The following VPS8 variants were observed in gnomAD, a reference collection of about 807,000 sequenced individuals.
The protein encoded by VPS8 is vacuolar protein sorting-associated protein 8 homolog.
In VPS8, 129 loss-of-function variants were observed where a neutral mutation model predicts 216.4. The ratio of observed to expected loss-of-function variants is 0.60; its 90% CI spans 0.52 to 0.69. VPS8 has a LOEUF of 0.69. Ranked by LOEUF, VPS8 falls within the 30% of genes least tolerant of loss-of-function variation. VPS8 has a pLI of 0.00. For synonymous variants in VPS8, 571 were observed against 565.4 expected (o/e 1.01, Z -0.14); for missense variants, 1,531 against 1,683.5 (o/e 0.91, Z 1.59).
chr3:185,039,115 T>C (rs1389038011), intron 46 of VPS8, among the ~76,000 whole-genome samples: 3 of 152,214 alleles, frequency 2.0e-5, no homozygotes, highest in Non-Finnish European at 4.4e-5. Context: ...TGTGGAGTTC[T>C]ACCTTACTGA....
At chr3:184,922,382 G>C (rs1738793538) in intron 29 of VPS8, 1 of 451,622 alleles carries the variant, frequency 2.2e-6, no homozygotes, top group Non-Finnish European at 4.4e-6. Flanking sequence ...AGACTGTGAG[G>C]ATTATTCTAA....
At position 184,983,230 on chromosome 3, in the gene VPS8, T is replaced by G. The variant is rs1056447892; in HGVS notation, c.3585+136T>G. The G allele has an allele frequency of 2.0e-5, 13 of 663,280 alleles. No homozygotes were observed. The African/African-American group carries it at 2.4e-4, about 12-fold the overall frequency. 41.1% of individuals were successfully genotyped at this position (663,280 alleles called of 1,614,324 possible). The stretch of plus-strand genomic sequence containing the variant: ...TAATTTTTGGCAATAGCTAAATATC[T>G]AAATATCTAACTTCCGACCCTCATT... On this transcript the variant is annotated intron_variant, in intron 42 of 47. Transcript: ENST00000625842.
chr3:184,954,570 C>T (rs1412138957), intron 36 of VPS8, among the ~76,000 whole-genome samples: 1 of 152,166 alleles, frequency 6.6e-6, no homozygotes, highest in Non-Finnish European at 1.5e-5. Context: ...CTTATTATAT[C>T]ACAATATTAT....
At chr3:184,912,311 G>A (rs149293462) in intron 25 of VPS8, among the ~76,000 whole-genome samples, 1 of 152,094 alleles carries the variant, frequency 6.6e-6, no homozygotes, top group African/African-American at 2.4e-5. Context: ...CATTTGTCTT[G>A]GGATGGGCTG....
At chr3:184,887,369 A>C (rs1454452894) in intron 22 of VPS8, among the ~76,000 whole-genome samples, 2 of 152,114 alleles carry the variant, frequency 1.3e-5, no homozygotes, top group African/African-American at 4.8e-5. Flanking sequence ...AATAAAAAAT[A>C]AACCAACCAA....
chr3:184,966,536 A>T, intron 38 of VPS8, 135 bp from the exon 39 acceptor site: 1 of 471,364 alleles, frequency 2.1e-6, no homozygotes, highest in Non-Finnish European at 3.7e-6. Flanking sequence ...TTTACTTCTG[A>T]CTGACACTAA....
intron 16 of VPS8, among the ~76,000 whole-genome samples, chr3:184,864,340 A>G (rs544387881): frequency 6.6e-6 from 1 of 152,322 alleles, no homozygotes; most frequent in East Asian, 1.9e-4. Flanking sequence ...GGAAGACTCC[A>G]TGATTTGAGA....
intron 44 of VPS8, 122 bp from the exon 45 acceptor site, chr3:184,999,574 G>A: frequency 1.7e-6 from 2 of 1,199,506 alleles, no homozygotes; most frequent in Non-Finnish European, 2.3e-6. Flanking sequence ...TTCTTACCCT[G>A]TACAGCCATC....
intron 45 of VPS8, among the ~76,000 whole-genome samples, chr3:185,016,133 G>A (rs1755756274): frequency 6.6e-6 from 1 of 152,190 alleles, no homozygotes; most frequent in Non-Finnish European, 1.5e-5. Flanking sequence ...AATGCCTAGA[G>A]CAGGTCATAT....
intron 21 of VPS8, among the ~76,000 whole-genome samples, chr3:184,877,957 G>C (rs1166018001): frequency 6.6e-6 from 1 of 152,158 alleles, no homozygotes; most frequent in African/African-American, 2.4e-5. Context: ...TCAGTTAACT[G>C]TGGAAACAGT....
intron 29 of VPS8, chr3:184,922,457 C>T (rs554765494): frequency 6.8e-5 from 31 of 453,502 alleles, no homozygotes; most frequent in South Asian, 4.5e-4. Context: ...AGCACAATGC[C>T]TGTAACCCAG....
chr3:185,044,730 C>T (rs1461411362), intron 46 of VPS8, among the ~76,000 whole-genome samples: 1 of 152,142 alleles, frequency 6.6e-6, no homozygotes, highest in Non-Finnish European at 1.5e-5. Flanking sequence ...CAGAGACTTT[C>T]TGCCACATTT....
chr3:184,998,255 G>A (rs1752888985), intron 44 of VPS8, among the ~76,000 whole-genome samples: 1 of 152,080 alleles, frequency 6.6e-6, no homozygotes, highest in Admixed American at 6.5e-5. Context: ...TACTCTGACT[G>A]CTGTGTTAAG....
At chr3:185,022,145 A>C (rs1260212632) in intron 45 of VPS8, among the ~76,000 whole-genome samples, 2 of 152,124 alleles carry the variant, frequency 1.3e-5, no homozygotes, top group Non-Finnish European at 2.9e-5. Context: ...TGGTTTTATA[A>C]GGGGCTTTTC....
chr3:184,882,183 A>G (rs947336948), intron 21 of VPS8, among the ~76,000 whole-genome samples: 7 of 152,112 alleles, frequency 4.6e-5, no homozygotes, highest in Non-Finnish European at 7.4e-5. Context: ...ATTTTTCACT[A>G]TGAAGTATAA....
At chr3:184,849,269 A>G (rs1270190181) in intron 9 of VPS8, 74 bp downstream of exon 9, 2 of 1,523,132 alleles carry the variant, frequency 1.3e-6, no homozygotes, top group African/African-American at 1.4e-5. Flanking sequence ...TACATCTTAG[A>G]TCAAAGACCA....
intron 46 of VPS8, among the ~76,000 whole-genome samples, chr3:185,046,949 G>T (rs1402577388): frequency 1.3e-5 from 2 of 152,226 alleles, no homozygotes; most frequent in East Asian, 3.9e-4. Context: ...ATCAGCAGAT[G>T]ATGACTCTGT....
chr3:185,044,114 C>G (rs925627854), intron 46 of VPS8, among the ~76,000 whole-genome samples: 1 of 152,160 alleles, frequency 6.6e-6, no homozygotes, highest in Non-Finnish European at 1.5e-5. Flanking sequence ...CACTTGAACC[C>G]AGGAGGCAGA....
chr3:184,969,342 T>C (rs1404140124), intron 39 of VPS8, among the ~76,000 whole-genome samples: 2 of 150,596 alleles, frequency 1.3e-5, no homozygotes, highest in East Asian at 3.9e-4. Context: ...GGTCTTGAAC[T>C]CCTGACCTCA....
Sources: gnomAD v4.1 joint callset for allele counts (sites outside exome capture counted in the v4.1 genomes callset) on GRCh38, gnomAD v4.1.1 for gene constraint, MANE v1.5 for transcripts, NCBI Gene and HGNC (gene_info 2026-07-23, HGNC 2026-07-21) for gene names.